CATSPER3: variants seen among roughly 807,000 people sequenced by gnomAD.
The protein encoded by CATSPER3 is cation channel sperm associated 3.
Under a neutral mutation model 36.6 loss-of-function variants are expected in CATSPER3, and 23 were observed. That is an observed-to-expected ratio of 0.63 (90% CI 0.45 to 0.89). The LOEUF (loss-of-function observed/expected upper bound fraction) is 0.89, where lower values mean the gene tolerates loss of function less well. Among genes scored for constraint, CATSPER3 ranks in the 40% least tolerant of loss-of-function variants. CATSPER3 has a pLI of 0.00. For missense variants in CATSPER3, 474 were observed against 503.9 expected, an observed-to-expected ratio of 0.94 and a Z score of 0.57; for synonymous variants, 172 against 184.1, an observed-to-expected ratio of 0.93 and a Z score of 0.53.
chr5:134,968,902 A>T (rs1309690786), intron 1 of CATSPER3: 1 of 152,144 alleles, frequency 6.6e-6, no homozygotes, highest in Non-Finnish European at 1.5e-5. Flanking sequence ...AAATTTTGGC[A>T]TATTTCCTGC....
chr5:135,009,341 G>C, intron 5 of CATSPER3, 30 bp from the exon 6 acceptor site: 4 of 1,610,774 alleles, frequency 2.5e-6, no homozygotes, highest in Non-Finnish European at 3.4e-6. Flanking sequence ...GCGAGAGCCT[G>C]TAGTTGACCT....
intron 1 of CATSPER3, 135 bp from the exon 2 acceptor site, chr5:134,969,804 C>T: frequency 2.3e-6 from 2 of 884,630 alleles, no homozygotes; most frequent in South Asian, 1.4e-5. Flanking sequence ...CATCTCATTG[C>T]TATTTAAAAG....
At chr5:135,001,221 G>A (rs1752015626) in intron 3 of CATSPER3, among the ~76,000 whole-genome samples, 1 of 152,180 alleles carries the variant, frequency 6.6e-6, no homozygotes, top group Non-Finnish European at 1.5e-5. Flanking sequence ...TCAGGAGCAG[G>A]TTGTTCAGTT....
intron 4 of CATSPER3, among the ~76,000 whole-genome samples, 158 bp downstream of exon 4, chr5:135,008,297 C>G (rs1271847890): frequency 1.3e-5 from 2 of 152,164 alleles, no homozygotes; most frequent in Non-Finnish European, 2.9e-5. Flanking sequence ...CCATCACAAG[C>G]CAGCACCCTG....
chr5:134,974,948 C>T (rs1751650078), intron 2 of CATSPER3, among the ~76,000 whole-genome samples: 1 of 152,058 alleles, frequency 6.6e-6, no homozygotes, highest in Admixed American at 6.6e-5. Flanking sequence ...AGCATGTATC[C>T]TGGTTTAGGG....
chr5:135,003,386 G>A (rs1292659032), intron 3 of CATSPER3, among the ~76,000 whole-genome samples: 8 of 152,216 alleles, frequency 5.3e-5, no homozygotes, highest in Non-Finnish European at 1.2e-4. Flanking sequence ...TCCCAGTTAG[G>A]CTACTCGGGG....
At chr5:134,999,985 C>G (rs1580912627) in intron 3 of CATSPER3, among the ~76,000 whole-genome samples, 1 of 152,144 alleles carries the variant, frequency 6.6e-6, no homozygotes, top group East Asian at 1.9e-4. Context: ...CTGTCTTGTG[C>G]CAGTTTTCAA....
At chr5:134,969,585 G>C in intron 1 of CATSPER3, 1 of 319,768 alleles carries the variant, frequency 3.1e-6, no homozygotes, top group Non-Finnish European at 6.0e-6. Context: ...TAGTCTTGCT[G>C]TCACTGTGTT....
chr5:134,971,068 G>A (rs1457720771), intron 2 of CATSPER3, among the ~76,000 whole-genome samples: 2 of 151,950 alleles, frequency 1.3e-5, no homozygotes, highest in Non-Finnish European at 2.9e-5. Flanking sequence ...TCCTGCCTCA[G>A]CCTCCCGAGT....
chr5:134,982,129 C>T (rs1186165741), intron 2 of CATSPER3, among the ~76,000 whole-genome samples: 1 of 152,052 alleles, frequency 6.6e-6, no homozygotes. Flanking sequence ...AACTTGAAGA[C>T]AGGTCAGTTG....
At position 134,996,489 on chromosome 5, in the gene CATSPER3, A is replaced by G. The variant is rs1314360185; in HGVS notation, c.469A>G (p.Ile157Val). 3 of 1,614,196 alleles carry G rather than the reference A, an allele frequency of 1.9e-6. No individual in the cohort carries two copies. The highest frequency in any genetic ancestry group is 2.5e-6 in the Non-Finnish European group (3 of 1,180,028). The change falls in exon 3 of 8, where the codon ATC (isoleucine) becomes GTC (valine). Residue 157 changes from isoleucine to valine, a missense_variant. By Grantham distance (29) the Ile-to-Val change is conservative. Transcript: ENST00000282611. ...GCAGTCCCTGCGCATCCTCAAGCTT[A>G]TCGGCTATAGCCAGGGCATCCGGGT... ...GMQSLRILKL[I>V]GYSQGIRTLI...
intron 2 of CATSPER3, among the ~76,000 whole-genome samples, chr5:134,982,697 G>A (rs1580905557): frequency 6.6e-6 from 1 of 152,142 alleles, no homozygotes; most frequent in Non-Finnish European, 1.5e-5. Flanking sequence ...AATGATAAAA[G>A]TTGTTTTGTA....
chr5:134,997,972 T>G (rs912452883), intron 3 of CATSPER3, among the ~76,000 whole-genome samples: 11 of 152,240 alleles, frequency 7.2e-5, no homozygotes, highest in Non-Finnish European at 1.0e-4. Context: ...GTGCACAACG[T>G]GCAGGTTTGT....
intron 3 of CATSPER3, among the ~76,000 whole-genome samples, chr5:134,997,981 G>T (rs1001855110): frequency 2.6e-5 from 4 of 152,098 alleles, no homozygotes; most frequent in Non-Finnish European, 4.4e-5. Flanking sequence ...GTGCAGGTTT[G>T]TTACATATGT....
Position 135,008,063 on chromosome 5 carries a change from G to A in CATSPER3, c.599G>A (p.Gly200Glu), listed in dbSNP as rs1752113424. 2 of 1,614,026 alleles carry A rather than the reference G, an allele frequency of 1.2e-6. No homozygotes were observed. Among genetic ancestry groups the A allele is most frequent in the Admixed American group, 3.3e-5 (2 of 60,010 alleles). ...IFAILGFCLF[G>E]SPDNGDHDNW... is the part of the protein sequence containing the mutation. ...GCTATCTTGGGCTTCTGCCTGTTTG[G>A]ATCTCCAGACAATGGTGACCATGAT... is the stretch of plus-strand genomic sequence containing the variant. Residue 200 changes from glycine to glutamate, a missense_variant, in exon 4 of 8, where the codon GGA becomes GAA. Transcript: ENST00000282611.
intron 2 of CATSPER3, among the ~76,000 whole-genome samples, chr5:134,980,405 C>T (rs1751736262): frequency 6.8e-6 from 1 of 147,822 alleles, no homozygotes; most frequent in African/African-American, 2.5e-5. Context: ...TCCCTCCTTC[C>T]TTTCCTCCTT....
chr5:134,977,201 A>T (rs1751684826), intron 2 of CATSPER3, among the ~76,000 whole-genome samples: 1 of 152,196 alleles, frequency 6.6e-6, no homozygotes, highest in Admixed American at 6.5e-5. Context: ...TCTCTGGCAA[A>T]TGGCGAGTCT....
intron 2 of CATSPER3, among the ~76,000 whole-genome samples, chr5:134,992,733 AAAC>A (rs1457241489): frequency 6.6e-6 from 1 of 152,212 alleles, no homozygotes. Context: ...CTCAAAAAAC[AAAC>A]AACAACAACA....
chr5:134,990,585 A>T (rs1337346330), intron 2 of CATSPER3, among the ~76,000 whole-genome samples: 2 of 152,226 alleles, frequency 1.3e-5, no homozygotes, highest in Non-Finnish European at 2.9e-5. Context: ...AAGATCACTG[A>T]TCACAGATCA....
Sources: allele counts gnomAD v4.1 joint callset (sites outside exome capture counted in the v4.1 genomes callset), GRCh38; gene constraint gnomAD v4.1.1; transcripts MANE v1.5; gene names NCBI Gene and HGNC (gene_info 2026-07-23, HGNC 2026-07-21).